HMG20A: variants seen among roughly 807,000 people sequenced by gnomAD.
The protein encoded by HMG20A is high mobility group 20A.
In HMG20A, 17 loss-of-function variants were observed where a neutral mutation model predicts 43.9. That is an observed-to-expected ratio of 0.39 (90% CI 0.27 to 0.58). The LOEUF is 0.58. Among genes scored for constraint, HMG20A ranks in the 20% least tolerant of loss-of-function variants. The pLI is 0.59. For synonymous variants in HMG20A, 132 were observed against 147.5 expected (o/e 0.89, Z 0.76); for missense variants, 341 against 438.2 (o/e 0.78, Z 1.98).
rs1025455222 is a variant in HMG20A at position 77,485,502 on chromosome 15, T to C, written c.*2539T>C. ...GGAACTGTTGAAATGCCAAGTTTTC[T>C]GTATAAGTGTTTTTGTAATTAAACT... On this transcript the variant is annotated 3_prime_UTR_variant, in exon 10 of 10. Coordinates refer to ENST00000336216, the MANE Select transcript of HMG20A (RefSeq NM_001304504.2). 4.6e-5 allele frequency: 7 copies of C among 152,700 alleles called. No individual in the cohort carries two copies. Among genetic ancestry groups the C allele is most frequent in the African/African-American group, 1.4e-4 (6 of 41,470 alleles). The allele number at this position is 152,700 out of a possible 1,614,324, so 9.5% of individuals were successfully genotyped here.
intron 1 of HMG20A, among the ~76,000 whole-genome samples, chr15:77,454,673 T>C (rs1383473061): frequency 6.6e-6 from 1 of 152,240 alleles, no homozygotes; most frequent in East Asian, 1.9e-4. Context: ...CTACTTCTAG[T>C]GTATAGAAAG....
the HMG20A span, among the ~76,000 whole-genome samples, chr15:77,499,724 A>G: frequency 6.6e-6 from 1 of 152,222 alleles, no homozygotes; most frequent in African/African-American, 2.4e-5. Flanking sequence ...TAGTATAGCC[A>G]GTCTCATTTG....
At position 77,483,588 on chromosome 15, in the gene HMG20A, A is replaced by G; in HGVS notation, c.*625A>G. 6.5e-6 allele frequency: 1 copy of G among 152,916 alleles called. No individual in the cohort carries two copies. Among genetic ancestry groups the G allele is most frequent in the Non-Finnish European group, 1.5e-5 (1 of 68,178 alleles). The allele number at this position is 152,916 out of a possible 1,614,324, so 9.5% of individuals were successfully genotyped here. ...TCTTGCTGACAGTGCCCTGTGGAGC[A>G]AGGCTGTGTTTCCTACCCCACACGG... On this transcript the variant is annotated 3_prime_UTR_variant, in exon 10 of 10. Coordinates refer to ENST00000336216, the MANE Select transcript of HMG20A (RefSeq NM_001304504.2).
At chr15:77,437,219 T>G (rs1378723571) in intron 1 of HMG20A, among the ~76,000 whole-genome samples, 2 of 152,264 alleles carry the variant, frequency 1.3e-5, no homozygotes, top group Non-Finnish European at 2.9e-5. Context: ...TTTATTGGTA[T>G]ATTTGCTGAA....
intron 1 of HMG20A, among the ~76,000 whole-genome samples, chr15:77,444,007 G>T (rs1207180689): frequency 6.6e-6 from 1 of 152,056 alleles, no homozygotes; most frequent in Non-Finnish European, 1.5e-5. Flanking sequence ...CAACATGCCC[G>T]ACCTGTATCT....
chr15:77,462,766 CTTTTTCTTTTTT>C (rs2072716466), intron 2 of HMG20A, among the ~76,000 whole-genome samples: 3 of 144,350 alleles, frequency 2.1e-5, no homozygotes, highest in African/African-American at 7.6e-5. Context: ...TTTTCTTTTT[CTTTTTCTTTTTT>C]TTTTTTTTTT....
intron 1 of HMG20A, among the ~76,000 whole-genome samples, chr15:77,438,813 A>T (rs1302956720): frequency 6.6e-6 from 1 of 151,638 alleles, no homozygotes; most frequent in African/African-American, 2.4e-5. Context: ...TTTTTTTGAG[A>T]CGGAGTCTCC....
At chr15:77,421,061 G>C (rs1437953367) in intron 1 of HMG20A, 57 bp downstream of exon 1, 2 of 396,718 alleles carry the variant, frequency 5.0e-6, no homozygotes, top group Non-Finnish European at 8.9e-6. Flanking sequence ...TTCACCCCTT[G>C]AAGATCACCC....
the HMG20A span, among the ~76,000 whole-genome samples, chr15:77,504,069 AG>A: frequency 2.4e-3 from 366 of 152,354 alleles, 2 homozygotes; most frequent in African/African-American, 8.2e-3. Context: ...GAGATTTGAT[AG>A]GGAAAAAAAT....
chr15:77,426,420 T>C (rs983017602), intron 1 of HMG20A, among the ~76,000 whole-genome samples: 2 of 152,154 alleles, frequency 1.3e-5, no homozygotes, highest in African/African-American at 4.8e-5. Context: ...TACAATAAGC[T>C]AGAGAAAGAA....
chr15:77,461,691 A>G (rs969638767), intron 2 of HMG20A, among the ~76,000 whole-genome samples: 1 of 152,174 alleles, frequency 6.6e-6, no homozygotes, highest in African/African-American at 2.4e-5. Flanking sequence ...GTGAATTCCC[A>G]TGTGAATTCC....
At chr15:77,509,555 CGTGTGTGTGTGTGTGTGT>C in the HMG20A span, among the ~76,000 whole-genome samples, 1,081 of 115,466 alleles carry the variant, frequency 9.4e-3, 11 homozygotes, top group Non-Finnish European at 0.014. Flanking sequence ...TGTGCCCAGC[CGTGTGTGTGTGTGTGTGT>C]GTGTGTGTGT....
rs549248588 is a variant in HMG20A, at chr15:77,480,562, G to A, written c.*6+1241G>A. Among the ~76,000 whole-genome samples, 116 of 150,922 alleles carry A rather than the reference G, an allele frequency of 7.7e-4. 2 individuals carry two copies. The highest frequency in any genetic ancestry group is 2.7e-3 in the South Asian group (13 of 4,792). On this transcript the variant is annotated intron_variant, in intron 9 of 9. Coordinates refer to ENST00000336216, the MANE Select transcript of HMG20A (RefSeq NM_001304504.2). Reference sequence around the variant, plus strand: ...CAGGAGTTCAGGTTTCAGTAAGCTAGGGTCACACTAGTGTATTCTAGCCAG... The same window carrying A: ...CAGGAGTTCAGGTTTCAGTAAGCTAAGGTCACACTAGTGTATTCTAGCCAG...
chr15:77,518,039 T>C, the HMG20A span, among the ~76,000 whole-genome samples: 2 of 152,184 alleles, frequency 1.3e-5, no homozygotes, highest in African/African-American at 2.4e-5. Context: ...CCTATCCCTG[T>C]GTTCACTCTC....
chr15:77,426,662 CA>C (rs970482775), intron 1 of HMG20A, among the ~76,000 whole-genome samples: 2 of 151,436 alleles, frequency 1.3e-5, no homozygotes, highest in Non-Finnish European at 3.0e-5. Context: ...GTCAACTGTA[CA>C]AAAAAAATCC....
chr15:77,518,223 C>T, the HMG20A span, among the ~76,000 whole-genome samples: 17 of 152,016 alleles, frequency 1.1e-4, no homozygotes, highest in East Asian at 1.9e-4. Flanking sequence ...TAGTGGAAGG[C>T]GGTGGGGGAG....
At chr15:77,514,316 T>C in the HMG20A span, among the ~76,000 whole-genome samples, 2 of 152,146 alleles carry the variant, frequency 1.3e-5, no homozygotes, top group Admixed American at 6.5e-5. Flanking sequence ...AAAGAACATA[T>C]ACTATATAAT....
chr15:77,424,141 AG>A (rs1421886801), intron 1 of HMG20A, among the ~76,000 whole-genome samples: 1 of 152,190 alleles, frequency 6.6e-6, no homozygotes, highest in African/African-American at 2.4e-5. Context: ...GACTGGGTAA[AG>A]AAGCAGCCCT....
At chr15:77,491,798 C>T in the HMG20A span, among the ~76,000 whole-genome samples, 1 of 152,166 alleles carries the variant, frequency 6.6e-6, no homozygotes, top group South Asian at 2.1e-4. Flanking sequence ...GATAGAAGTA[C>T]ATTTTTGGTG....
Sources: gnomAD v4.1 joint callset for allele counts (sites outside exome capture counted in the v4.1 genomes callset) on GRCh38, gnomAD v4.1.1 for gene constraint, MANE v1.5 for transcripts, NCBI Gene and HGNC (gene_info 2026-07-23, HGNC 2026-07-21) for gene names.